The following FSTL4 variants were observed in gnomAD, a reference collection of about 807,000 sequenced individuals.
FSTL4 encodes the protein follistatin-related protein 4.
Under a neutral mutation model 78.2 loss-of-function variants are expected in FSTL4, and 28 were observed. The ratio of observed to expected loss-of-function variants is 0.36; its 90% CI spans 0.27 to 0.49. The LOEUF (loss-of-function observed/expected upper bound fraction) is 0.49. Ranked by LOEUF, FSTL4 falls within the 20% of genes least tolerant of loss-of-function variation. The probability of loss-of-function intolerance (pLI) is 0.98; values close to 1 mark genes in which losing one functional copy is unlikely to be tolerated. For missense variants in FSTL4, 922 were observed against 1,084.9 expected, an observed-to-expected ratio of 0.85 and a Z score of 2.11; for synonymous variants, 422 against 440.5, an observed-to-expected ratio of 0.96 and a Z score of 0.53.
At chr5:133,392,325 CA>C in intron 4 of FSTL4, among the ~76,000 whole-genome samples, 1 of 152,146 alleles carries the variant, frequency 6.6e-6, no homozygotes, top group Admixed American at 6.5e-5. Context: ...AAGAGAGCCC[CA>C]GGGGAAATAC....
chr5:133,521,513 C>G (rs767859056), intron 3 of FSTL4, among the ~76,000 whole-genome samples: 1 of 152,138 alleles, frequency 6.6e-6, no homozygotes, highest in Non-Finnish European at 1.5e-5. Context: ...CTATCTTCAG[C>G]ACCGGGGAGA....
At chr5:133,772,920 G>A in the FSTL4 span, among the ~76,000 whole-genome samples, 237 of 152,140 alleles carry the variant, frequency 1.6e-3, 2 homozygotes, top group African/African-American at 5.3e-3. Context: ...TTTTCCTTAC[G>A]TAACTAATTA....
At chr5:133,549,185 T>C (rs1183368826) in intron 3 of FSTL4, among the ~76,000 whole-genome samples, 3 of 152,138 alleles carry the variant, frequency 2.0e-5, no homozygotes, top group Non-Finnish European at 2.9e-5. Flanking sequence ...CTTCCAATAT[T>C]ACTCTTCCTG....
chr5:133,674,881 T>G, the FSTL4 span, among the ~76,000 whole-genome samples: 8 of 152,198 alleles, frequency 5.3e-5, no homozygotes, highest in African/African-American at 1.9e-4. Flanking sequence ...TATTCATTAA[T>G]TTAGCCAAGA....
the FSTL4 span, among the ~76,000 whole-genome samples, chr5:133,721,437 T>C: frequency 6.6e-6 from 1 of 152,240 alleles, no homozygotes; most frequent in East Asian, 1.9e-4. Flanking sequence ...TTAAGAACTC[T>C]CTTAAGCATT....
intron 3 of FSTL4, among the ~76,000 whole-genome samples, chr5:133,460,549 C>T (rs895196259): frequency 1.3e-5 from 2 of 152,150 alleles, no homozygotes; most frequent in African/African-American, 4.8e-5. Context: ...GCCTAATAGT[C>T]GCAAGCCTCA....
chr5:133,408,602 TG>T (rs1756419897), intron 3 of FSTL4, among the ~76,000 whole-genome samples: 1 of 151,136 alleles, frequency 6.6e-6, no homozygotes, highest in Non-Finnish European at 1.5e-5. Flanking sequence ...GTAGGGGGAG[TG>T]CTGCAACAGA....
the FSTL4 span, among the ~76,000 whole-genome samples, chr5:133,817,659 G>A: frequency 6.6e-6 from 1 of 152,130 alleles, no homozygotes; most frequent in Non-Finnish European, 1.5e-5. Context: ...GAAGAAGGAA[G>A]GCTCTTCTCT....
chr5:133,631,378 G>A, the FSTL4 span, among the ~76,000 whole-genome samples: 2 of 151,866 alleles, frequency 1.3e-5, no homozygotes, highest in African/African-American at 4.8e-5. Flanking sequence ...CATTTATGCG[G>A]CCAACAAACT....
chr5:133,636,883 A>G, the FSTL4 span, among the ~76,000 whole-genome samples: 131 of 152,320 alleles, frequency 8.6e-4, no homozygotes, highest in Non-Finnish European at 1.6e-3. Flanking sequence ...TAACAGCCCA[A>G]TGAGGAAAAT....
chr5:133,281,225 T>A (rs892226837), intron 6 of FSTL4, among the ~76,000 whole-genome samples: 10 of 152,092 alleles, frequency 6.6e-5, no homozygotes, highest in Admixed American at 1.3e-4. Flanking sequence ...CTGGTATTTG[T>A]GATCTGCATT....
At chr5:133,690,336 G>C in the FSTL4 span, among the ~76,000 whole-genome samples, 1 of 152,152 alleles carries the variant, frequency 6.6e-6, no homozygotes, top group Non-Finnish European at 1.5e-5. Flanking sequence ...TCCGTAGTTA[G>C]GACAAGAAAG....
Position 133,388,618 on chromosome 5 carries a change from T to C in FSTL4, c.409+12120A>G, listed in dbSNP as rs148507906. The stretch of plus-strand genomic sequence containing the variant: ...TTTTTTTGTCTGCTTTGTTTTTCTC[T>C]CTCTGGATATTTCAGATCACTTTAA... On this transcript the variant is annotated intron_variant, in intron 4 of 15. Transcript: ENST00000265342. The C allele has an allele frequency of 5.3e-5, 8 of 151,752 alleles. No homozygotes were observed. The East Asian group carries it at 1.5e-3, about 29-fold the overall frequency. 9.4% of individuals were successfully genotyped at this position (151,752 alleles called of 1,614,324 possible).
At chr5:133,290,669 T>A (rs1288749331) in intron 6 of FSTL4, among the ~76,000 whole-genome samples, 1 of 152,174 alleles carries the variant, frequency 6.6e-6, no homozygotes, top group Non-Finnish European at 1.5e-5. Context: ...CAGCAGAGGG[T>A]GGCATGTGGC....
At chr5:133,703,590 G>A in the FSTL4 span, among the ~76,000 whole-genome samples, 1 of 152,172 alleles carries the variant, frequency 6.6e-6, no homozygotes, top group African/African-American at 2.4e-5. Context: ...CTGAAGAGAG[G>A]GGCCAGCCAG....
chr5:133,385,909 G>A (rs1469989350), intron 4 of FSTL4, among the ~76,000 whole-genome samples: 3 of 152,306 alleles, frequency 2.0e-5, no homozygotes, highest in Admixed American at 6.5e-5. Flanking sequence ...CCCAGTTGCT[G>A]AATGATAATC....
chr5:133,673,427 G>A, the FSTL4 span, among the ~76,000 whole-genome samples: 1 of 152,148 alleles, frequency 6.6e-6, no homozygotes, highest in Non-Finnish European at 1.5e-5. Context: ...CCTGGCTGTT[G>A]CTCACTGCCG....
the FSTL4 span, among the ~76,000 whole-genome samples, chr5:133,726,876 T>C: frequency 6.6e-6 from 1 of 152,252 alleles, no homozygotes; most frequent in Admixed American, 6.5e-5. Context: ...TATCGCCACT[T>C]CACATGCAAG....
intron 13 of FSTL4, among the ~76,000 whole-genome samples, chr5:133,213,910 C>T (rs963793456): frequency 6.6e-6 from 1 of 152,020 alleles, no homozygotes. Context: ...AAGGAGGGAA[C>T]AATTATACCA....
Sources: allele counts gnomAD v4.1 joint callset (sites outside exome capture counted in the v4.1 genomes callset), GRCh38; gene constraint gnomAD v4.1.1; transcripts MANE v1.5; gene names NCBI Gene and HGNC (gene_info 2026-07-23, HGNC 2026-07-21).